Variants in SCN7A observed in about 807,000 individuals in gnomAD.
SCN7A encodes the protein sodium channel protein type 7 subunit alpha.
A neutral mutation model predicts 155.2 loss-of-function variants in SCN7A; 138 were observed. The observed-to-expected ratio is 0.89, with a 90% CI of 0.77 to 1.02. SCN7A has a LOEUF of 1.02. SCN7A is among the 50% of genes least tolerant of loss of function. SCN7A has a pLI of 0.00. For missense variants in SCN7A, 2,058 were observed against 1,986.6 expected, an observed-to-expected ratio of 1.04 and a Z score of -0.68; for synonymous variants, 693 against 649.0, an observed-to-expected ratio of 1.07 and a Z score of -1.03.
rs547026143 is a variant in SCN7A, at chr2:166,470,895, C to CAGGTAAAT, written c.573-197_573-190dup. Among the ~76,000 whole-genome samples, 305 of 151,712 alleles carry CAGGTAAAT rather than the reference C, an allele frequency of 2.0e-3. 1 individual carries two copies. Among genetic ancestry groups the CAGGTAAAT allele is most frequent in the Admixed American group, 3.4e-3 (52 of 15,168 alleles). The stretch of plus-strand genomic sequence containing the variant: ...AAAGATTGCTACAGTGGAAAGTGGC[C>CAGGTAAAT]AGGTAAATATTAATCTATATTATGA... On this transcript the variant is annotated intron_variant, in intron 6 of 25. Transcript: ENST00000643258.
chr2:166,437,628 G>A (rs575545540), intron 15 of SCN7A, among the ~76,000 whole-genome samples: 7 of 152,176 alleles, frequency 4.6e-5, no homozygotes, highest in Non-Finnish European at 1.0e-4. Flanking sequence ...GCCTGTGAAG[G>A]CAGCTGGGAT....
At chr2:166,423,492 T>G in intron 18 of SCN7A, 60 bp from the exon 19 acceptor site, 2 of 1,442,938 alleles carry the variant, frequency 1.4e-6, no homozygotes, top group Non-Finnish European at 1.8e-6. Flanking sequence ...AAAACTCTTT[T>G]GACATAAAAG....
intron 15 of SCN7A, among the ~76,000 whole-genome samples, chr2:166,436,722 A>C (rs1389760676): frequency 6.6e-6 from 1 of 152,174 alleles, no homozygotes; most frequent in Non-Finnish European, 1.5e-5. Context: ...TGATAGTGAT[A>C]TGGACAATAA....
intron 10 of SCN7A, among the ~76,000 whole-genome samples, chr2:166,459,373 G>T (rs2105470965): frequency 6.6e-6 from 1 of 152,170 alleles, no homozygotes; most frequent in South Asian, 2.1e-4. Flanking sequence ...AATATAAAAT[G>T]AAACATTATA....
chr2:166,436,887 G>A (rs762284888), intron 15 of SCN7A, among the ~76,000 whole-genome samples: 6 of 152,088 alleles, frequency 3.9e-5, no homozygotes, highest in East Asian at 1.9e-4. Flanking sequence ...AGATGATTTC[G>A]GGTATCTGGC....
intron 1 of SCN7A, among the ~76,000 whole-genome samples, chr2:166,493,233 A>G (rs1026883216): frequency 3.3e-5 from 5 of 152,190 alleles, no homozygotes; most frequent in African/African-American, 1.2e-4. Flanking sequence ...TTTCAGTCCA[A>G]TATCCAAACT....
chr2:166,422,692 AGATTGTT>A (rs1701536120), intron 19 of SCN7A, among the ~76,000 whole-genome samples: 1 of 152,302 alleles, frequency 6.6e-6, no homozygotes, highest in African/African-American at 2.4e-5. Flanking sequence ...TTGATTGCAA[AGATTGTT>A]GATTTTACCC....
chr2:166,432,191 T>G (rs577826998), intron 16 of SCN7A, 127 bp downstream of exon 16: 3 of 673,530 alleles, frequency 4.5e-6, no homozygotes, highest in Non-Finnish European at 7.4e-6. Flanking sequence ...CTAAGAGTGA[T>G]GGAGCTAGGA....
chr2:166,405,613 A>G lies in SCN7A; in HGVS notation c.5016T>C (p.Ala1672=). Reference sequence around the variant, plus strand: ...GGCTTTGAATAGGTGACTTTTCCTTAGCTTTGTCAAAATAGGCACCTTCTT... The same window carrying G: ...GGCTTTGAATAGGTGACTTTTCCTTGGCTTTGTCAAAATAGGCACCTTCTT... The part of the protein sequence containing the change: ...ATKEGAYFDK[A]KEKSPIQSQI The change falls in exon 26 of 26, where the codon GCT becomes GCC. Residue 1672 remains alanine (A), a synonymous_variant. Transcript: ENST00000643258. 1.2e-6 allele frequency: 2 copies of G among 1,600,778 alleles called. No individual in the cohort carries two copies. Among genetic ancestry groups the G allele is most frequent in the Non-Finnish European group, 1.7e-6 (2 of 1,174,010 alleles).
chr2:166,477,213 T>C (rs1187817975), intron 3 of SCN7A, among the ~76,000 whole-genome samples: 1 of 151,934 alleles, frequency 6.6e-6, no homozygotes, highest in Non-Finnish European at 1.5e-5. Flanking sequence ...CATTAAGGCA[T>C]ACTAATACAT....
chr2:166,453,180 T>C (rs1389110673), intron 11 of SCN7A, among the ~76,000 whole-genome samples: 2 of 152,196 alleles, frequency 1.3e-5, no homozygotes, highest in Non-Finnish European at 2.9e-5. Context: ...AGTTTTCTTA[T>C]GTGAAATATT....
At position 166,470,923 on chromosome 2, in the gene SCN7A, G is replaced by A. The variant is rs1458838667; in HGVS notation, c.573-217C>T. Among the ~76,000 whole-genome samples, 4 of 151,878 alleles carry A rather than the reference G, an allele frequency of 2.6e-5. No homozygotes were observed. The East Asian group carries it at 7.7e-4, about 29-fold the overall frequency. Reference sequence around the variant, plus strand: ...GTAAATATTAATCTATATTATGAGAGTTTACAAAAGTTTGACACTGTGAAT... The same window carrying A: ...GTAAATATTAATCTATATTATGAGAATTTACAAAAGTTTGACACTGTGAAT... On this transcript the variant is annotated intron_variant, in intron 6 of 25. Transcript: ENST00000643258.
chr2:166,458,283 C>T (rs1702328304), intron 10 of SCN7A, among the ~76,000 whole-genome samples: 1 of 149,506 alleles, frequency 6.7e-6, no homozygotes, highest in Non-Finnish European at 1.5e-5. Flanking sequence ...GAGCCATGAT[C>T]ACACCACTGA....
chr2:166,406,604 G>A lies in SCN7A; in HGVS notation c.4025C>T (p.Pro1342Leu), dbSNP rs767051653. 3 of 1,611,708 alleles carry A rather than the reference G, an allele frequency of 1.9e-6. No individual in the cohort carries two copies. The highest frequency in any genetic ancestry group is 4.5e-5 in the East Asian group (2 of 44,834). ...PMTVGSYLVP[P>L]SLVQLILLSR... is the part of the protein sequence containing the mutation. ...GAGAAGTATCAGTTGCACAAGTGAA[G>A]GAGGCACAAGGTAGGATCCTACTGT... Residue 1342 changes from proline (P) to leucine (L), a missense_variant, in exon 26 of 26, where the codon CCT (proline) becomes CTT (leucine). Physicochemically the swap from Pro to Leu is moderately conservative, Grantham distance 98. Transcript: ENST00000643258.
chr2:166,406,829 C>G (rs1701087127), intron 25 of SCN7A, among the ~76,000 whole-genome samples, 183 bp from the exon 26 acceptor site: 1 of 151,920 alleles, frequency 6.6e-6, no homozygotes, highest in Non-Finnish European at 1.5e-5. Flanking sequence ...CAGCCAAACA[C>G]CTATTGTATC....
At position 166,456,910 on chromosome 2, in the gene SCN7A, T is replaced by C; in HGVS notation, c.1250A>G (p.Gln417Arg). The C allele has an allele frequency of 6.4e-7, 1 of 1,555,694 alleles. No individual in the cohort carries two copies. Among genetic ancestry groups the C allele is most frequent in the Non-Finnish European group, 8.7e-7 (1 of 1,148,976 alleles). The change falls in exon 11 of 26, where the codon CAG becomes CGG. Residue 417 changes from glutamine to arginine, a missense_variant. Gln to Arg is a conservative substitution (Grantham distance 43). Transcript: ENST00000643258. ...TCCTTCTTGAAGTTCTTTTCCAGTC[T>C]GTTGAAATTTTGGTTCAATCTTCTT... ...ISKKIEPKFQ[Q>R]TGKELQEGNE... is the part of the protein sequence containing the mutation.
intron 6 of SCN7A, among the ~76,000 whole-genome samples, chr2:166,470,980 G>A (rs1559122681): frequency 6.6e-6 from 1 of 151,762 alleles, no homozygotes; most frequent in Non-Finnish European, 1.5e-5. Context: ...TCTATACTAT[G>A]TTCATAAATC....
intron 21 of SCN7A, among the ~76,000 whole-genome samples, chr2:166,416,335 C>A (rs1701376109): frequency 6.6e-6 from 1 of 152,070 alleles, no homozygotes. Context: ...AGCATGTGAC[C>A]TACTCCCTGT....
intron 14 of SCN7A, among the ~76,000 whole-genome samples, chr2:166,441,959 C>A (rs1023270449): frequency 6.6e-6 from 1 of 152,156 alleles, no homozygotes; most frequent in Admixed American, 6.5e-5. Context: ...TACATATCCT[C>A]TTCTACTGAT....
Sources: gnomAD v4.1 joint callset for allele counts (sites outside exome capture counted in the v4.1 genomes callset) on GRCh38, gnomAD v4.1.1 for gene constraint, MANE v1.5 for transcripts, NCBI Gene and HGNC (gene_info 2026-07-23, HGNC 2026-07-21) for gene names.